Variants in COL23A1 observed in about 807,000 individuals in gnomAD.
The protein encoded by COL23A1 is collagen alpha-1(XXIII) chain.
A neutral mutation model predicts 99.3 loss-of-function variants in COL23A1; 97 were observed. The observed-to-expected ratio is 0.98, with a 90% confidence interval of 0.83 to 1.16. The LOEUF is 1.16. COL23A1 is among the 50% of genes most tolerant of loss of function. The pLI is 0.00. For missense variants in COL23A1, 762 were observed against 757.4 expected, an observed-to-expected ratio of 1.01 and a Z score of -0.07; for synonymous variants, 320 against 308.2, an observed-to-expected ratio of 1.04 and a Z score of -0.40.
intron 3 of COL23A1, among the ~76,000 whole-genome samples, chr5:178,293,394 C>T (rs7379947): frequency 0.79 from 120,243 of 151,948 alleles, 47,890 homozygotes; most frequent in Non-Finnish European, 0.85. Context: ...GGTGGGAGTT[C>T]GGGCAAGTTC....
intron 2 of COL23A1, among the ~76,000 whole-genome samples, chr5:178,374,713 GATA>G (rs1762979922): frequency 6.6e-6 from 1 of 152,214 alleles, no homozygotes; most frequent in Non-Finnish European, 1.5e-5. Context: ...TCAAAAGTCA[GATA>G]ATAACAGGTG....
intron 8 of COL23A1, chr5:178,265,971 C>T (rs1192069322): frequency 6.6e-6 from 1 of 152,318 alleles, no homozygotes; most frequent in Non-Finnish European, 1.5e-5. Context: ...TGCCTGCAAC[C>T]TCCCAAGAGA....
intron 2 of COL23A1, among the ~76,000 whole-genome samples, chr5:178,471,373 C>G (rs1487111995): frequency 6.6e-6 from 1 of 152,176 alleles, no homozygotes; most frequent in Non-Finnish European, 1.5e-5. Context: ...TCCTGAGTAG[C>G]TGGGATTACA....
rs75532159 is a variant in COL23A1 at position 178,443,886 on chromosome 5, T to C, written c.361+116796A>G. On this transcript the variant is annotated intron_variant, in intron 2 of 28. Coordinates refer to ENST00000390654, the MANE Select transcript of COL23A1 (RefSeq NM_173465.4). Reference sequence around the variant, plus strand: ...CTGTCATCTAACATATGGCCACTTATAAAAATATATTATGTTAAGATATAA... The same window carrying C: ...CTGTCATCTAACATATGGCCACTTACAAAAATATATTATGTTAAGATATAA... 6.1e-3 allele frequency among the ~76,000 whole-genome samples: 935 copies of C among 152,258 alleles called. 12 individuals are homozygous for C. Among genetic ancestry groups the C allele is most frequent in the African/African-American group, 0.022 (898 of 41,552 alleles).
chr5:178,273,265 G>C (rs1336860927), intron 5 of COL23A1, among the ~76,000 whole-genome samples: 2 of 152,174 alleles, frequency 1.3e-5, no homozygotes, highest in Non-Finnish European at 2.9e-5. Flanking sequence ...GGCTGTTTCT[G>C]GAAGTGTCCA....
At chr5:178,545,766 C>A (rs1388996371) in intron 2 of COL23A1, among the ~76,000 whole-genome samples, 1 of 152,080 alleles carries the variant, frequency 6.6e-6, no homozygotes. Context: ...GGCACAGCTC[C>A]CTCCTATCAC....
At chr5:178,318,209 A>C (rs1241059891) in intron 2 of COL23A1, among the ~76,000 whole-genome samples, 1 of 152,222 alleles carries the variant, frequency 6.6e-6, no homozygotes, top group Non-Finnish European at 1.5e-5. Flanking sequence ...TAGGCTAGGC[A>C]CCTGTGCTGG....
At chr5:178,501,354 G>A (rs1758523654) in intron 2 of COL23A1, among the ~76,000 whole-genome samples, 1 of 152,164 alleles carries the variant, frequency 6.6e-6, no homozygotes, top group Non-Finnish European at 1.5e-5. Context: ...AGGCCTGGGT[G>A]GGTGAATCAC....
chr5:178,402,217 G>A (rs181275643), intron 2 of COL23A1, among the ~76,000 whole-genome samples: 108 of 152,322 alleles, frequency 7.1e-4, no homozygotes, highest in African/African-American at 2.2e-3. Context: ...CTGGCTGGGC[G>A]TGGTGGCTCA....
rs144570233 is a variant in COL23A1 at position 178,405,187 on chromosome 5, T to C, written c.362-98268A>G. On this transcript the variant is annotated intron_variant, in intron 2 of 28. Transcript: ENST00000390654. The stretch of plus-strand genomic sequence containing the variant: ...GCAGCGTGTCTGGTTCTGTGTTTGC[T>C]CTGGGAAGTGATGGATAAACCACAG... Among the ~76,000 whole-genome samples the C allele has an allele frequency of 1.7e-4, 26 of 152,348 alleles. No homozygotes were observed. The East Asian group carries it at 4.1e-3, about 24-fold the overall frequency.
rs80323539 is a variant in COL23A1, at chr5:178,434,984, G to A, written c.361+125698C>T. On this transcript the variant is annotated intron_variant, in intron 2 of 28. Coordinates refer to ENST00000390654, the MANE Select transcript of COL23A1 (RefSeq NM_173465.4). The surrounding 1 kb of genome is among the most constrained non-coding windows in gnomAD (Gnocchi z 4.3). ...GGCCTCTGCTGCAAGGGAGGGGGTC[G>A]GCACCCGTCCAGCACCGCTCGCTCG... Among the ~76,000 whole-genome samples, 2,628 of 152,258 alleles carry A rather than the reference G, an allele frequency of 0.017. 128 individuals are homozygous for A. The East Asian group carries it at 0.18, about 11-fold the overall frequency.
At chr5:178,394,082 A>G (rs1460193774) in intron 2 of COL23A1, among the ~76,000 whole-genome samples, 4 of 152,120 alleles carry the variant, frequency 2.6e-5, no homozygotes, top group African/African-American at 7.2e-5. Flanking sequence ...TCAAACCTGG[A>G]GCGAAAGACC....
chr5:178,273,420 C>T (rs1268119500), intron 5 of COL23A1, among the ~76,000 whole-genome samples: 1 of 152,234 alleles, frequency 6.6e-6, no homozygotes, highest in Non-Finnish European at 1.5e-5. Flanking sequence ...GAAGCCCCGT[C>T]CGTGACAGAA....
chr5:178,561,017 C>G (rs1311402508), intron 1 of COL23A1, among the ~76,000 whole-genome samples: 3 of 152,120 alleles, frequency 2.0e-5, no homozygotes, highest in Non-Finnish European at 4.4e-5. Flanking sequence ...AATAGAATAC[C>G]AAGAGTTACG....
At position 178,288,236 on chromosome 5, in the gene COL23A1, C is replaced by T. The variant is rs145936914; in HGVS notation, c.441+88G>A. 2.1e-3 allele frequency: 2,346 copies of T among 1,113,930 alleles called. 39 individuals are homozygous for T. In the South Asian group the frequency reaches 0.023, roughly 11 times the overall value. 69.0% of individuals were successfully genotyped at this position (1,113,930 alleles called of 1,614,324 possible). ...TGCTGAGGAGCAGAAGAGACAGGAG[C>T]GCAGACAGAGTTAAATCAAGGCTCA... is the stretch of plus-strand genomic sequence containing the variant. On this transcript the variant is annotated intron_variant, in intron 5 of 28. Transcript: ENST00000390654.
chr5:178,422,453 G>A (rs1765684541), intron 2 of COL23A1, among the ~76,000 whole-genome samples: 6 of 152,166 alleles, frequency 3.9e-5, no homozygotes, highest in Admixed American at 3.9e-4. Context: ...TTGGCTCTGG[G>A]GACTGAGGGC....
At chr5:178,374,484 C>A (rs1762964830) in intron 2 of COL23A1, among the ~76,000 whole-genome samples, 1 of 152,210 alleles carries the variant, frequency 6.6e-6, no homozygotes, top group Non-Finnish European at 1.5e-5. Context: ...CGGTTAAAAT[C>A]ATGGGCTTGG....
intron 2 of COL23A1, among the ~76,000 whole-genome samples, chr5:178,328,365 A>G (rs2973687): frequency 0.95 from 144,889 of 152,262 alleles, 69,004 homozygotes; most frequent in Admixed American, 0.98. Flanking sequence ...TTCTAACACT[A>G]GCCAGGCCAG....
At chr5:178,488,250 G>A (rs570717081) in intron 2 of COL23A1, among the ~76,000 whole-genome samples, 1 of 152,260 alleles carries the variant, frequency 6.6e-6, no homozygotes, top group Admixed American at 6.5e-5. Flanking sequence ...AAGGGAAGAT[G>A]ACATAAACCC....
Sources: gnomAD v4.1 joint callset for allele counts (sites outside exome capture counted in the v4.1 genomes callset) on GRCh38, gnomAD v4.1.1 for gene constraint, Gnocchi (gnomAD v3.1) non-coding constraint, MANE v1.5 for transcripts, NCBI Gene and HGNC (gene_info 2026-07-23, HGNC 2026-07-21) for gene names.